The following CALD1 variants were observed in gnomAD, a reference collection of about 807,000 sequenced individuals.
CALD1 encodes the protein caldesmon.
A neutral mutation model predicts 99.9 loss-of-function variants in CALD1; 33 were observed. The ratio of observed to expected loss-of-function variants is 0.33; its 90% confidence interval spans 0.25 to 0.44. CALD1 has a LOEUF of 0.44. Ranked by LOEUF, CALD1 falls within the 20% of genes least tolerant of loss-of-function variation. The probability of loss-of-function intolerance (pLI) is 1.00; values close to 1 mark genes in which losing one functional copy is unlikely to be tolerated. For missense variants in CALD1, 861 were observed against 962.1 expected, an observed-to-expected ratio of 0.89 and a Z score of 1.39; for synonymous variants, 310 against 325.0, an observed-to-expected ratio of 0.95 and a Z score of 0.50.
chr7:134,913,553 C>T (rs530138356), intron 3 of CALD1, among the ~76,000 whole-genome samples: 142 of 152,104 alleles, frequency 9.3e-4, no homozygotes, highest in Non-Finnish European at 1.7e-3. Flanking sequence ...TATACATATA[C>T]GTATAAATGT....
Position 134,891,421 on chromosome 7 carries a change from T to A in CALD1, c.71+23617T>A, listed in dbSNP as rs890555144. 3.1e-6 allele frequency: 4 copies of A among 1,290,902 alleles called. No homozygotes were observed. In the African/African-American group the frequency reaches 6.0e-5, roughly 19 times the overall value. 80.0% of individuals were successfully genotyped at this position (1,290,902 alleles called of 1,614,324 possible). Reference sequence around the variant, plus strand: ...AGGGAACGGGTTGGGAGGAGTAGATTTGGCTGAGGACAAGCCCAGACTTTC... The same window carrying A: ...AGGGAACGGGTTGGGAGGAGTAGATATGGCTGAGGACAAGCCCAGACTTTC... On this transcript the variant is annotated intron_variant, in intron 3 of 14. Transcript: ENST00000361675.
intron 13 of CALD1, chr7:134,961,418 T>C (rs1427599440): frequency 6.6e-6 from 1 of 152,224 alleles, no homozygotes; most frequent in African/African-American, 2.4e-5. Context: ...TCCACTGTCA[T>C]AATCCTACAT....
At chr7:134,753,953 T>G (rs1442021896) in intron 1 of CALD1, among the ~76,000 whole-genome samples, 2 of 152,220 alleles carry the variant, frequency 1.3e-5, no homozygotes. Context: ...GGCATCTGAT[T>G]CAACCATCTC....
At chr7:134,779,133 T>C (rs1797004374), upstream of CALD1, among the ~76,000 whole-genome samples, 1 of 152,174 alleles carries the variant, frequency 6.6e-6, no homozygotes, top group South Asian at 2.1e-4. Context: ...TGAAAAGAAA[T>C]ATACTATTAA....
At chr7:134,960,876 A>C in intron 13 of CALD1, 1 of 309,540 alleles carries the variant, frequency 3.2e-6, no homozygotes, top group Non-Finnish European at 5.9e-6. Context: ...ATCAGCTAGA[A>C]TACTGAGGCA....
At chr7:134,791,752 T>C (rs757995200) in intron 1 of CALD1, among the ~76,000 whole-genome samples, 3 of 152,220 alleles carry the variant, frequency 2.0e-5, no homozygotes, top group Non-Finnish European at 4.4e-5. Flanking sequence ...TCTGGAGTAC[T>C]AGTTTATTAG....
intron 1 of CALD1, among the ~76,000 whole-genome samples, chr7:134,818,764 T>G (rs1798656075): frequency 6.6e-6 from 1 of 152,216 alleles, no homozygotes. Flanking sequence ...TGACCCACCA[T>G]TGCGCCAGAG....
At chr7:134,956,043 A>T (rs1807743129) in intron 9 of CALD1, among the ~76,000 whole-genome samples, 1 of 152,208 alleles carries the variant, frequency 6.6e-6, no homozygotes. Context: ...TTATAATTAA[A>T]ATCAGAAAAA....
At chr7:134,881,227 G>A (rs931889483) in intron 3 of CALD1, among the ~76,000 whole-genome samples, 2 of 152,192 alleles carry the variant, frequency 1.3e-5, no homozygotes, top group Non-Finnish European at 2.9e-5. Flanking sequence ...CAGGCTTGTA[G>A]AGCAACATGT....
At chr7:134,747,901 C>A (rs981099402) in intron 1 of CALD1, among the ~76,000 whole-genome samples, 1 of 152,194 alleles carries the variant, frequency 6.6e-6, no homozygotes, top group African/African-American at 2.4e-5. Context: ...ACCAGTAGAG[C>A]CCCTAGCATG....
At chr7:134,921,935 C>T (rs1039045550) in intron 3 of CALD1, among the ~76,000 whole-genome samples, 4 of 152,094 alleles carry the variant, frequency 2.6e-5, no homozygotes, top group Admixed American at 6.6e-5. Flanking sequence ...TGAAAGAACC[C>T]AAAATGTCTT....
the CALD1 span, among the ~76,000 whole-genome samples, chr7:134,720,763 T>C: frequency 6.6e-6 from 1 of 152,230 alleles, no homozygotes; most frequent in African/African-American, 2.4e-5. Flanking sequence ...ATGAAGGGTC[T>C]TCAAGCTAGC....
At chr7:134,835,231 C>T (rs1425189307) in intron 1 of CALD1, among the ~76,000 whole-genome samples, 4 of 152,132 alleles carry the variant, frequency 2.6e-5, no homozygotes, top group Non-Finnish European at 5.9e-5. Context: ...TAGATCCTGA[C>T]CTGAGCCCTG....
rs750158808 is a variant in CALD1 at position 134,783,878 on chromosome 7, C to T, written c.-130+4129C>T. ...TACACAGATATATAGGTGGAGATTG[C>T]GTCATATGACCTCCATTTCAAAGAA... is the stretch of plus-strand genomic sequence containing the variant. On this transcript the variant is annotated intron_variant, in intron 1 of 14. Coordinates refer to ENST00000361675, the MANE Select transcript of CALD1 (RefSeq NM_033138.4). The surrounding 1 kb of genome is among the most constrained non-coding windows in gnomAD (Gnocchi z 4.3). Among the ~76,000 whole-genome samples the T allele has an allele frequency of 2.0e-5, 3 of 151,932 alleles. No individual in the cohort carries two copies. Among genetic ancestry groups the T allele is most frequent in the South Asian group, 2.1e-4 (1 of 4,814 alleles).
chr7:134,934,603 G>T (rs1469604644), intron 5 of CALD1, among the ~76,000 whole-genome samples: 1 of 152,158 alleles, frequency 6.6e-6, no homozygotes, highest in Non-Finnish European at 1.5e-5. Flanking sequence ...GCAAAAACAG[G>T]CTGGGTACAG....
At chr7:134,955,775 A>T (rs1807712609) in intron 9 of CALD1, among the ~76,000 whole-genome samples, 1 of 152,354 alleles carries the variant, frequency 6.6e-6, no homozygotes, top group African/African-American at 2.4e-5. Flanking sequence ...AGGGGGACAC[A>T]GTTCGATCAA....
the CALD1 span, among the ~76,000 whole-genome samples, chr7:134,728,854 T>C: frequency 0.3 from 42,202 of 142,020 alleles, 5,935 homozygotes; most frequent in East Asian, 0.55. Context: ...TCTTTTTTTT[T>C]TTTTTTTTTT....
At chr7:134,832,398 A>G (rs1799267007) in intron 1 of CALD1, among the ~76,000 whole-genome samples, 1 of 152,204 alleles carries the variant, frequency 6.6e-6, no homozygotes, top group African/African-American at 2.4e-5. Context: ...CTCCCTGCTC[A>G]TGACTGACTA....
chr7:134,757,942 T>C (rs972100466), intron 1 of CALD1, among the ~76,000 whole-genome samples: 7 of 152,044 alleles, frequency 4.6e-5, no homozygotes, highest in Non-Finnish European at 8.8e-5. Context: ...TACAGGAGGA[T>C]GGCTTGCTTA....
Sources: allele counts gnomAD v4.1 joint callset (sites outside exome capture counted in the v4.1 genomes callset), GRCh38; gene constraint gnomAD v4.1.1; non-coding constraint Gnocchi (gnomAD v3.1); transcripts MANE v1.5; gene names NCBI Gene and HGNC (gene_info 2026-07-23, HGNC 2026-07-21).